The following SMC5 variants were observed in gnomAD, a reference collection of about 807,000 sequenced individuals.
SMC5 encodes structural maintenance of chromosomes 5, also known as structural maintenance of chromosomes protein 5.
A neutral mutation model predicts 148.3 loss-of-function variants in SMC5; 88 were observed. The observed-to-expected ratio is 0.59, with a 90% CI of 0.50 to 0.71. The LOEUF is 0.71. SMC5 is among the 30% of genes least tolerant of loss of function. The probability of loss-of-function intolerance (pLI) is 0.00; values close to 1 mark genes in which losing one functional copy is unlikely to be tolerated. For missense variants in SMC5, 1,142 were observed against 1,298.9 expected (o/e 0.88, Z 1.86); for synonymous variants, 421 against 432.8 (o/e 0.97, Z 0.34).
Position 70,324,002 on chromosome 9 carries a change from T to A in SMC5, c.2275-19T>A. 6.5e-7 allele frequency: 1 copy of A among 1,526,886 alleles called. No homozygotes were observed. The highest frequency in any genetic ancestry group is 8.8e-7 in the Non-Finnish European group (1 of 1,141,866). 94.6% of individuals were successfully genotyped at this position (1,526,886 alleles called of 1,614,324 possible). ...CATAGGTAACATAAAAATTAACTCT[T>A]AGGGGTTTTTGTTCCTAGATTTGTA... On this transcript the variant is annotated intron_variant, in intron 16 of 24. Coordinates refer to ENST00000361138, the MANE Select transcript of SMC5 (RefSeq NM_015110.4).
chr9:70,275,688 G>T (rs2034572469), intron 3 of SMC5, among the ~76,000 whole-genome samples: 1 of 151,780 alleles, frequency 6.6e-6, no homozygotes. Flanking sequence ...TTTTTCTGAA[G>T]ATGCTTATAA....
At chr9:70,290,552 A>C (rs897235275) in intron 8 of SMC5, among the ~76,000 whole-genome samples, 1 of 152,208 alleles carries the variant, frequency 6.6e-6, no homozygotes, top group African/African-American at 2.4e-5. Context: ...CATTTATGTT[A>C]TATTTTACAT....
chr9:70,351,892 A>G (rs1334443968), intron 24 of SMC5, among the ~76,000 whole-genome samples: 2 of 152,122 alleles, frequency 1.3e-5, no homozygotes, highest in African/African-American at 4.8e-5. Flanking sequence ...CCTGGCCAAC[A>G]TGGTGAAACC....
Position 70,305,373 on chromosome 9 carries a change from C to A in SMC5, c.1578+13C>A, listed in dbSNP as rs1397084428. 7 of 1,402,008 alleles carry A rather than the reference C, an allele frequency of 5.0e-6. No individual in the cohort carries two copies. The highest frequency in any genetic ancestry group is 7.0e-6 in the Non-Finnish European group (7 of 997,220). The allele number at this position is 1,402,008 out of a possible 1,614,324, so 86.8% of individuals were successfully genotyped here. ...TTTCCTCAAAGAGGCAAGTACTAAC[C>A]AACACAACACTTTGATTCACTTGAC... On this transcript the variant is annotated intron_variant, in intron 11 of 24. Transcript: ENST00000361138.
intron 16 of SMC5, 89 bp downstream of exon 16, chr9:70,323,695 AT>A (rs1471051680): frequency 7.2e-7 from 1 of 1,386,130 alleles, no homozygotes; most frequent in African/African-American, 1.5e-5. Context: ...GAAGGTTTTG[AT>A]TAAGGTTTTT....
chr9:70,276,210 T>C (rs1256730173), intron 3 of SMC5, among the ~76,000 whole-genome samples: 2 of 152,252 alleles, frequency 1.3e-5, no homozygotes, highest in Non-Finnish European at 2.9e-5. Flanking sequence ...CGCTTAGATA[T>C]GGCTTTCTAT....
In SMC5 at chr9:70,347,770, A is replaced by G. The variant is rs2036705738; in HGVS notation, c.2769+53A>G. On this transcript the variant is annotated intron_variant, in intron 21 of 24. Coordinates refer to ENST00000361138, the MANE Select transcript of SMC5 (RefSeq NM_015110.4). ...TCATGTGATTATTAATGAAATGGGA[A>G]TGTAGAATAATGGAAAATGAGATGA... is the stretch of plus-strand genomic sequence containing the variant. The G allele has an allele frequency of 2.4e-6, 3 of 1,274,986 alleles. No individual in the cohort carries two copies. The Admixed American group carries it at 7.3e-5, about 31-fold the overall frequency. The allele number at this position is 1,274,986 out of a possible 1,614,324, so 79.0% of individuals were successfully genotyped here.
At chr9:70,322,498 T>C (rs184215921) in intron 15 of SMC5, among the ~76,000 whole-genome samples, 5 of 152,320 alleles carry the variant, frequency 3.3e-5, no homozygotes, top group African/African-American at 1.2e-4. Flanking sequence ...CAAAAGACTG[T>C]TGCAAAATTT....
intron 7 of SMC5, among the ~76,000 whole-genome samples, chr9:70,283,212 C>T (rs1442596237): frequency 6.6e-6 from 1 of 152,122 alleles, no homozygotes. Flanking sequence ...GCCTGTAATC[C>T]CAGCACTTTG....
chr9:70,265,496 T>C (rs1383754647), intron 2 of SMC5, among the ~76,000 whole-genome samples: 1 of 152,032 alleles, frequency 6.6e-6, no homozygotes, highest in African/African-American at 2.4e-5. Flanking sequence ...CAAAATAAGA[T>C]GGTAGAAATA....
At chr9:70,287,549 C>T (rs1345443966) in intron 8 of SMC5, among the ~76,000 whole-genome samples, 2 of 152,166 alleles carry the variant, frequency 1.3e-5, no homozygotes, top group African/African-American at 4.8e-5. Context: ...TGGGGGTAGA[C>T]ATGTAACTTC....
In SMC5 at chr9:70,346,653, T is replaced by C. The variant is rs754165218; in HGVS notation, c.2568+4T>C. On this transcript the variant is annotated splice_donor_region_variant and intron_variant, in intron 19 of 24. Transcript: ENST00000361138. ...ACACAACTCCTCACTCCCCATGGTA[T>C]GCAGTACTCATTCTTTTTTCCCAAG... 1.9e-6 allele frequency: 3 copies of C among 1,613,992 alleles called. No individual in the cohort carries two copies. The highest frequency in any genetic ancestry group is 1.7e-5 in the Admixed American group (1 of 60,008).
chr9:70,289,461 C>T (rs2034999733), intron 8 of SMC5, among the ~76,000 whole-genome samples: 1 of 151,890 alleles, frequency 6.6e-6, no homozygotes, highest in Non-Finnish European at 1.5e-5. Context: ...GTTTTTATTT[C>T]TGTACCATGT....
At chr9:70,274,425 T>C (rs192918261) in intron 3 of SMC5, among the ~76,000 whole-genome samples, 4 of 152,162 alleles carry the variant, frequency 2.6e-5, no homozygotes, top group African/African-American at 9.6e-5. Context: ...CTATCTTTCT[T>C]TTGCCTTAAA....
intron 9 of SMC5, among the ~76,000 whole-genome samples, chr9:70,298,619 G>T (rs572395499): frequency 6.6e-6 from 1 of 151,654 alleles, no homozygotes; most frequent in Non-Finnish European, 1.5e-5. Flanking sequence ...CATGTGAATA[G>T]ATCTGTGGTA....
intron 10 of SMC5, among the ~76,000 whole-genome samples, chr9:70,301,865 T>A (rs969352142): frequency 5.3e-5 from 8 of 152,178 alleles, no homozygotes; most frequent in Non-Finnish European, 1.0e-4. Context: ...AAATTTTGTT[T>A]AAAAAATCAT....
chr9:70,259,656 T>C (rs1345193513), intron 1 of SMC5, among the ~76,000 whole-genome samples: 1 of 152,174 alleles, frequency 6.6e-6, no homozygotes, highest in Non-Finnish European at 1.5e-5. Context: ...GTGATAGTGA[T>C]GCTGTGGCGG....
chr9:70,279,510 C>A (rs1479349586), intron 5 of SMC5, among the ~76,000 whole-genome samples: 6 of 150,814 alleles, frequency 4.0e-5, no homozygotes, highest in Admixed American at 4.0e-4. Context: ...CAGAGCGAGA[C>A]CCTGTGTCAA....
intron 17 of SMC5, among the ~76,000 whole-genome samples, chr9:70,326,796 A>G (rs533450639): frequency 6.6e-6 from 1 of 152,162 alleles, no homozygotes; most frequent in Admixed American, 6.5e-5. Context: ...TGAGTTAGCA[A>G]CATAGCCTAA....
Sources: gnomAD v4.1 joint callset for allele counts (sites outside exome capture counted in the v4.1 genomes callset) on GRCh38, gnomAD v4.1.1 for gene constraint, MANE v1.5 for transcripts, NCBI Gene and HGNC (gene_info 2026-07-23, HGNC 2026-07-21) for gene names.